Variants in MARCHF4 observed in about 807,000 individuals in gnomAD.
MARCHF4 encodes E3 ubiquitin-protein ligase MARCHF4.
A neutral mutation model predicts 43.9 loss-of-function variants in MARCHF4; 14 were observed. The observed-to-expected ratio is 0.32, with a 90% confidence interval of 0.21 to 0.50. The LOEUF is 0.50. Among genes scored for constraint, MARCHF4 ranks in the 20% least tolerant of loss-of-function variants. The pLI is 0.98. For synonymous variants in MARCHF4, 226 were observed against 213.3 expected, an observed-to-expected ratio of 1.06 and a Z score of -0.52; for missense variants, 468 against 536.7, an observed-to-expected ratio of 0.87 and a Z score of 1.27.
chr2:216,276,683 A>G (rs6756816), intron 3 of MARCHF4, among the ~76,000 whole-genome samples: 13,331 of 152,298 alleles, frequency 0.088, 1,918 homozygotes, highest in African/African-American at 0.3. Context: ...TTAATACAAT[A>G]TACATACTAA....
At chr2:216,318,600 G>C (rs1250296040) in intron 1 of MARCHF4, among the ~76,000 whole-genome samples, 1 of 152,176 alleles carries the variant, frequency 6.6e-6, no homozygotes, top group Admixed American at 6.5e-5. Flanking sequence ...ATATCAGAGG[G>C]AAGACCAGAC....
chr2:216,352,966 G>T (rs560991870), intron 1 of MARCHF4, among the ~76,000 whole-genome samples: 6 of 152,296 alleles, frequency 3.9e-5, no homozygotes, highest in African/African-American at 9.6e-5. Context: ...TTTGCAGAAT[G>T]GATGAACTAG....
chr2:216,303,596 A>G (rs1388440362), intron 1 of MARCHF4: 2 of 152,242 alleles, frequency 1.3e-5, no homozygotes, highest in East Asian at 3.8e-4. Flanking sequence ...AGAGAGCGCA[A>G]TGCCCAAAGT....
chr2:216,302,924 GA>G (rs1691515592), intron 1 of MARCHF4, among the ~76,000 whole-genome samples: 8 of 116,186 alleles, frequency 6.9e-5, no homozygotes. Context: ...AAAAAAAAAA[GA>G]AAATGGCATT....
chr2:216,363,558 G>T (rs1426304575), intron 1 of MARCHF4, among the ~76,000 whole-genome samples: 3 of 152,322 alleles, frequency 2.0e-5, no homozygotes, highest in Middle Eastern at 6.8e-3. Flanking sequence ...TGAAGAAAAG[G>T]TTCTTGGAGC....
chr2:216,359,428 T>C (rs1260278520), intron 1 of MARCHF4, among the ~76,000 whole-genome samples: 3 of 152,232 alleles, frequency 2.0e-5, no homozygotes, highest in East Asian at 1.9e-4. Flanking sequence ...CAATTACAGC[T>C]TTTTACCTCT....
At chr2:216,277,593 G>A in intron 3 of MARCHF4, 79 bp downstream of exon 3, 4 of 1,418,566 alleles carry the variant, frequency 2.8e-6, no homozygotes, top group East Asian at 4.8e-5. Flanking sequence ...GCCTCCCACA[G>A]TGGGGGATCC....
At chr2:216,296,104 C>A (rs1223924868) in intron 1 of MARCHF4, among the ~76,000 whole-genome samples, 1 of 152,176 alleles carries the variant, frequency 6.6e-6, no homozygotes, top group African/African-American at 2.4e-5. Flanking sequence ...CAAGATCGTG[C>A]CACTGCACTC....
At chr2:216,305,106 G>T (rs550814310) in intron 1 of MARCHF4, among the ~76,000 whole-genome samples, 12 of 152,088 alleles carry the variant, frequency 7.9e-5, no homozygotes, top group Admixed American at 6.5e-4. Context: ...AAAAAAAATT[G>T]TTCCAATCAA....
intron 1 of MARCHF4, among the ~76,000 whole-genome samples, chr2:216,323,963 C>T (rs1691946885): frequency 6.6e-6 from 1 of 152,038 alleles, no homozygotes; most frequent in Admixed American, 6.6e-5. Context: ...TAACTAAAAT[C>T]AGAGCAGAAC....
intron 3 of MARCHF4, among the ~76,000 whole-genome samples, chr2:216,270,431 C>T (rs73988329): frequency 3.9e-5 from 6 of 152,184 alleles, no homozygotes; most frequent in Non-Finnish European, 7.4e-5. Context: ...CAGTCACCAA[C>T]CCTTGTCAGA....
At chr2:216,335,476 A>G (rs1201669967) in intron 1 of MARCHF4, among the ~76,000 whole-genome samples, 3 of 152,234 alleles carry the variant, frequency 2.0e-5, no homozygotes, top group Non-Finnish European at 4.4e-5. Flanking sequence ...AATGAATGCT[A>G]AAAATGCATG....
At position 216,370,199 on chromosome 2, in the gene MARCHF4, C is replaced by T. The variant is rs1692736999; in HGVS notation, c.62G>A (p.Cys21Tyr). 3 of 1,612,536 alleles carry T rather than the reference C, an allele frequency of 1.9e-6. No individual in the cohort carries two copies. The highest frequency in any genetic ancestry group is 2.5e-6 in the Non-Finnish European group (3 of 1,179,360). Residue 21 changes from cysteine to tyrosine, a missense_variant, in exon 1 of 4, where the codon TGC becomes TAC. Physicochemically the swap from Cys to Tyr is radical, Grantham distance 194 (BLOSUM62 -2). Coordinates refer to ENST00000273067, the MANE Select transcript of MARCHF4 (RefSeq NM_020814.3). ...WWWCCCSGWY[C>Y]YGLCAPAPQM... is the part of the protein sequence containing the mutation. ...GGGGGCTGGGGCACACAATCCATAG[C>T]AGTACCAGCCGGAGCAGCAGCACCA...
At chr2:216,260,916 A>G (rs1433687223) in intron 3 of MARCHF4, among the ~76,000 whole-genome samples, 3 of 152,156 alleles carry the variant, frequency 2.0e-5, no homozygotes, top group African/African-American at 4.8e-5. Flanking sequence ...GCAGTGAGAA[A>G]CTGCTGGAGT....
At chr2:216,283,544 G>A in intron 2 of MARCHF4, 30 bp downstream of exon 2, 1 of 1,562,808 alleles carries the variant, frequency 6.4e-7, no homozygotes, top group Non-Finnish European at 8.7e-7. Flanking sequence ...CCCAGGCCCA[G>A]CAACCCCACC....
chr2:216,285,536 G>A (rs748648358), intron 1 of MARCHF4, among the ~76,000 whole-genome samples: 2 of 152,200 alleles, frequency 1.3e-5, no homozygotes, highest in Non-Finnish European at 2.9e-5. Context: ...TTTGAGAGCT[G>A]AATGCACGCA....
At chr2:216,310,040 T>G (rs1691658639) in intron 1 of MARCHF4, among the ~76,000 whole-genome samples, 1 of 152,062 alleles carries the variant, frequency 6.6e-6, no homozygotes, top group Admixed American at 6.6e-5. Context: ...AACTAATAAC[T>G]CTAGGATTAT....
intron 1 of MARCHF4, among the ~76,000 whole-genome samples, chr2:216,368,522 G>A (rs1391655944): frequency 6.6e-6 from 1 of 152,214 alleles, no homozygotes; most frequent in African/African-American, 2.4e-5. Flanking sequence ...GGTCCCCAGA[G>A]TTCTTTGTCC....
intron 1 of MARCHF4, among the ~76,000 whole-genome samples, chr2:216,346,781 G>T (rs1036677187): frequency 3.9e-5 from 6 of 152,160 alleles, no homozygotes; most frequent in Non-Finnish European, 8.8e-5. Context: ...GGAGGTAAGG[G>T]TAGGCCATGA....
Sources: allele counts gnomAD v4.1 joint callset (sites outside exome capture counted in the v4.1 genomes callset), GRCh38; gene constraint gnomAD v4.1.1; transcripts MANE v1.5; gene names NCBI Gene and HGNC (gene_info 2026-07-23, HGNC 2026-07-21).